Variants in CNTN5 observed in about 807,000 individuals in gnomAD.
The protein encoded by CNTN5 is contactin-5.
A neutral mutation model predicts 129.1 loss-of-function variants in CNTN5; 77 were observed. The observed-to-expected ratio is 0.60, with a 90% CI of 0.50 to 0.72. The LOEUF is 0.72. Ranked by LOEUF, CNTN5 falls within the 30% of genes least tolerant of loss-of-function variation. CNTN5 has a pLI of 0.00. For missense variants in CNTN5, 1,478 were observed against 1,328.8 expected, an observed-to-expected ratio of 1.11 and a Z score of -1.75; for synonymous variants, 509 against 465.6, an observed-to-expected ratio of 1.09 and a Z score of -1.20.
At chr11:99,362,922 C>T (rs897859308) in intron 2 of CNTN5, among the ~76,000 whole-genome samples, 3 of 151,932 alleles carry the variant, frequency 2.0e-5, no homozygotes, top group Non-Finnish European at 4.4e-5. Flanking sequence ...TTACTGTAGC[C>T]GTGCACTGTT....
intron 1 of CNTN5, among the ~76,000 whole-genome samples, chr11:99,234,289 G>C (rs571463882): frequency 6.6e-6 from 1 of 152,176 alleles, no homozygotes; most frequent in East Asian, 1.9e-4. Context: ...ACAATGGGAA[G>C]AAGGAAGGCA....
chr11:100,152,011 A>G (rs1437974890), intron 13 of CNTN5, among the ~76,000 whole-genome samples: 3 of 152,162 alleles, frequency 2.0e-5, no homozygotes, highest in African/African-American at 7.2e-5. Context: ...AACCTTTCAC[A>G]ATATGACCTT....
At position 100,191,329 on chromosome 11, in the gene CNTN5, T is replaced by C. The variant is rs557629024; in HGVS notation, c.1708+76T>C. On this transcript the variant is annotated intron_variant, in intron 14 of 24. Transcript: ENST00000524871. ...GGAAAGAGAATAAATATAATATAAA[T>C]GCATATATGTTTGGACTTAAGTGTG... is the stretch of plus-strand genomic sequence containing the variant. 142 of 1,280,408 alleles carry C rather than the reference T, an allele frequency of 1.1e-4. 1 individual carries two copies. In the South Asian group the frequency reaches 2.2e-3, roughly 19 times the overall value. 79.3% of individuals were successfully genotyped at this position (1,280,408 alleles called of 1,614,324 possible).
rs1565302626 is a variant in CNTN5, at chr11:100,161,992, TTG to T, written c.1581-29133_1581-29132del. Among the ~76,000 whole-genome samples the T allele has an allele frequency of 3.0e-4, 46 of 151,872 alleles. 1 individual carries two copies. The East Asian group carries it at 8.4e-3, about 28-fold the overall frequency. On this transcript the variant is annotated intron_variant, in intron 13 of 24. Coordinates refer to ENST00000524871, the MANE Select transcript of CNTN5 (RefSeq NM_014361.4). ...CATCTTCTCTAATGGAACTTTAAAA[TTG>T]AGAGTGGTTCACTATGCTATGGAGG... is the stretch of plus-strand genomic sequence containing the variant.
At chr11:99,166,679 A>T (rs1860889106) in intron 1 of CNTN5, among the ~76,000 whole-genome samples, 2 of 152,092 alleles carry the variant, frequency 1.3e-5, no homozygotes, top group Admixed American at 1.3e-4. Flanking sequence ...AAACTTGAAC[A>T]ATAGTTATAC....
At chr11:99,528,391 A>G (rs2135460198) in intron 2 of CNTN5, among the ~76,000 whole-genome samples, 1 of 152,344 alleles carries the variant, frequency 6.6e-6, no homozygotes. Context: ...ATACATCTAA[A>G]AGCAAAATCT....
intron 1 of CNTN5, among the ~76,000 whole-genome samples, chr11:99,239,934 C>T (rs1485983225): frequency 2.1e-5 from 2 of 97,008 alleles, no homozygotes; most frequent in African/African-American, 8.2e-5. Context: ...GAGACTCCGT[C>T]TCAAAAAAAA....
chr11:100,075,198 A>T (rs2137893962), intron 13 of CNTN5, among the ~76,000 whole-genome samples: 1 of 152,302 alleles, frequency 6.6e-6, no homozygotes, highest in East Asian at 1.9e-4. Flanking sequence ...AAAAATTTTT[A>T]AAAATAGAGT....
intron 1 of CNTN5, among the ~76,000 whole-genome samples, chr11:99,247,415 A>T (rs1861866563): frequency 6.6e-6 from 1 of 151,906 alleles, no homozygotes; most frequent in Non-Finnish European, 1.5e-5. Context: ...TTCATTTCAG[A>T]TAAAATATAC....
chr11:100,083,137 G>C (rs1272851921), intron 13 of CNTN5, among the ~76,000 whole-genome samples: 1 of 151,992 alleles, frequency 6.6e-6, no homozygotes, highest in East Asian at 1.9e-4. Flanking sequence ...ATAACATGGT[G>C]AAACACTGTT....
At chr11:100,075,426 A>G (rs1944089383) in intron 13 of CNTN5, among the ~76,000 whole-genome samples, 1 of 152,184 alleles carries the variant, frequency 6.6e-6, no homozygotes, top group Non-Finnish European at 1.5e-5. Context: ...ACAGGCTAAC[A>G]AGAGAAAAAC....
intron 9 of CNTN5, among the ~76,000 whole-genome samples, chr11:100,010,554 C>G (rs541774426): frequency 1.3e-5 from 2 of 152,082 alleles, no homozygotes; most frequent in African/African-American, 4.8e-5. Context: ...AAATAAACAA[C>G]GATGGTGTTC....
At chr11:100,223,770 T>C (rs1215444180) in intron 15 of CNTN5, among the ~76,000 whole-genome samples, 1 of 152,182 alleles carries the variant, frequency 6.6e-6, no homozygotes, top group Non-Finnish European at 1.5e-5. Context: ...GAAGGGAATA[T>C]TGGAGTTTTG....
chr11:99,333,718 C>T (rs2136033457), intron 2 of CNTN5, among the ~76,000 whole-genome samples: 1 of 152,014 alleles, frequency 6.6e-6, no homozygotes, highest in Non-Finnish European at 1.5e-5. Flanking sequence ...AAATCATATT[C>T]TAAGATTTCA....
In CNTN5 at chr11:99,295,882, CAAAAAAAAAA is replaced by C. The variant is rs34180493; in HGVS notation, c.-209-29450_-209-29441del. ...TGGGCGACAGAGCGAGACTCCGTCTCAAAAAAAAAAAAAAAAAAAAAAAGAGTTTTGACTG... is the reference window on the plus strand; with the variant it reads ...TGGGCGACAGAGCGAGACTCCGTCTCAAAAAAAAAAAAAGAGTTTTGACTG... On this transcript the variant is annotated intron_variant, in intron 1 of 24. Transcript: ENST00000524871. 7.8e-5 allele frequency among the ~76,000 whole-genome samples: 4 copies of C among 50,994 alleles called. No homozygotes were observed. The East Asian group carries it at 2.0e-3, about 26-fold the overall frequency. 33.5% of individuals were successfully genotyped at this position (50,994 alleles called of 152,430 possible).
At chr11:99,074,966 A>G (rs991098447) in intron 1 of CNTN5, among the ~76,000 whole-genome samples, 1 of 152,216 alleles carries the variant, frequency 6.6e-6, no homozygotes, top group Non-Finnish European at 1.5e-5. Flanking sequence ...GGATATTGTA[A>G]TCTTTTACTG....
Position 99,916,110 on chromosome 11 carries a change from G to A in CNTN5, c.634G>A (p.Gly212Ser). 1 of 1,612,366 alleles carries A rather than the reference G, an allele frequency of 6.2e-7. No individual in the cohort carries two copies. Among genetic ancestry groups the A allele is most frequent in the Non-Finnish European group, 8.5e-7 (1 of 1,179,220 alleles). The change falls in exon 7 of 25, where the codon GGT becomes AGT. Residue 212 changes from glycine (G) to serine (S), a missense_variant. By Grantham distance (56) the Gly-to-Ser change is moderately conservative (BLOSUM62 0). Coordinates refer to ENST00000524871, the MANE Select transcript of CNTN5 (RefSeq NM_014361.4). ...TGCAGTCTCTGTGAGGGAAGGCCAGGGTGTCGTTCTGATGTGCTCTCCTCC... is the reference window on the plus strand; with the variant it reads ...TGCAGTCTCTGTGAGGGAAGGCCAGAGTGTCGTTCTGATGTGCTCTCCTCC... Reference protein sequence around the residue: ...RSAVSVREGQGVVLMCSPPPH... With the variant: ...RSAVSVREGQSVVLMCSPPPH...
At chr11:99,314,622 A>G (rs1865259849) in intron 1 of CNTN5, among the ~76,000 whole-genome samples, 1 of 152,070 alleles carries the variant, frequency 6.6e-6, no homozygotes, top group Non-Finnish European at 1.5e-5. Flanking sequence ...TGATTGTCAC[A>G]CAGCCAGAGG....
chr11:99,719,364 A>T, intron 3 of CNTN5, among the ~76,000 whole-genome samples: 1 of 151,886 alleles, frequency 6.6e-6, no homozygotes, highest in Non-Finnish European at 1.5e-5. Context: ...GATCTTATTT[A>T]AGAAGGCCAC....
Sources: gnomAD v4.1 joint callset for allele counts (sites outside exome capture counted in the v4.1 genomes callset) on GRCh38, gnomAD v4.1.1 for gene constraint, MANE v1.5 for transcripts, NCBI Gene and HGNC (gene_info 2026-07-23, HGNC 2026-07-21) for gene names.